Variants in ITGA9 observed in about 807,000 individuals in gnomAD.
The protein encoded by ITGA9 is integrin alpha-9.
ITGA9 carries 56 observed loss-of-function variants against 127.8 expected under a neutral mutation model. The observed-to-expected ratio is 0.44, with a 90% CI of 0.35 to 0.55. The LOEUF is 0.55. ITGA9 is among the 20% of genes least tolerant of loss of function. ITGA9 has a pLI of 0.00. For missense variants in ITGA9, 1,196 were observed against 1,347.1 expected (o/e 0.89, Z 1.76); for synonymous variants, 508 against 514.5 (o/e 0.99, Z 0.17).
rs769056713 is a variant in ITGA9 at position 37,653,786 on chromosome 3, T to C, written c.1912T>C (p.Ser638Pro). ...DLQLQGKLLLSSMDEKTLYLA... is the reference protein window; with the variant it reads ...DLQLQGKLLLPSMDEKTLYLA... ...GCAGCTTCAGGGTAAACTGCTGCTC[T>C]CCAGGTATGTCGGTGTTTCCTTCAG... Residue 638 changes from serine (S) to proline (P), a missense_variant, in exon 17 of 28, where the codon TCC becomes CCC. Ser to Pro is a moderately conservative substitution (Grantham distance 74). Transcript: ENST00000264741. 187 of 1,611,512 alleles carry C rather than the reference T, an allele frequency of 1.2e-4. No individual in the cohort carries two copies. The highest frequency in any genetic ancestry group is 1.5e-4 in the Non-Finnish European group (173 of 1,177,748).
rs574781329 is a variant in ITGA9 at position 37,774,111 on chromosome 3, C to G, written c.2542-3281C>G. Among the ~76,000 whole-genome samples the G allele has an allele frequency of 2.0e-5, 3 of 152,302 alleles. No individual in the cohort carries two copies. The East Asian group carries it at 5.8e-4, about 29-fold the overall frequency. On this transcript the variant is annotated intron_variant, in intron 23 of 27. Coordinates refer to ENST00000264741, the MANE Select transcript of ITGA9 (RefSeq NM_002207.3). ...GTGCTGAAATTTGATTGGCACACAC[C>G]AACGCCCACTTGCGTAGCACTGCAG...
intron 15 of ITGA9, among the ~76,000 whole-genome samples, chr3:37,601,430 G>A (rs1208944734): frequency 2.0e-5 from 3 of 152,172 alleles, no homozygotes; most frequent in Non-Finnish European, 2.9e-5. Flanking sequence ...GTCTCCCCAG[G>A]TGTTATTCCC....
chr3:37,517,760 A>C, intron 10 of ITGA9, 151 bp downstream of exon 10: 1 of 703,408 alleles, frequency 1.4e-6, no homozygotes, highest in East Asian at 2.7e-5. Context: ...TGCTGTGGGG[A>C]GATAGGACAC....
At chr3:37,763,632 T>G (rs1224624515) in intron 23 of ITGA9, among the ~76,000 whole-genome samples, 1 of 152,188 alleles carries the variant, frequency 6.6e-6, no homozygotes, top group African/African-American at 2.4e-5. Context: ...AAGTCCTGGA[T>G]TTTATGACTT....
intron 22 of ITGA9, chr3:37,745,573 A>G (rs1696490319): frequency 6.6e-6 from 1 of 152,220 alleles, no homozygotes; most frequent in Non-Finnish European, 1.5e-5. Context: ...TTGCAATTAA[A>G]GATGTAGTTC....
rs1559524639 is a variant in ITGA9, at chr3:37,512,056, CTTTCTTTCTTTCTTTCT to C, written c.898-1704_898-1688del. ...TCTTTCTTTCTTTCTTTCTTTCTTT[CTTTCTTTCTTTCTTTCT>C]TTCCTTCCTTCCTTCCTTCCTTCCT... is the stretch of plus-strand genomic sequence containing the variant. On this transcript the variant is annotated intron_variant, in intron 8 of 27. Coordinates refer to ENST00000264741, the MANE Select transcript of ITGA9 (RefSeq NM_002207.3). 6.3e-4 allele frequency among the ~76,000 whole-genome samples: 28 copies of C among 44,404 alleles called. 1 individual carries two copies. The highest frequency in any genetic ancestry group is 4.7e-3 in the East Asian group (4 of 846). 29.1% of individuals were successfully genotyped at this position (44,404 alleles called of 152,430 possible). A position where few individuals can be genotyped will look rare whatever the true frequency, so the allele number is the denominator to read the frequency against.
rs764922248 is a variant in ITGA9 at position 37,503,149 on chromosome 3, C to G, written c.613-29C>G. On this transcript the variant is annotated intron_variant, in intron 5 of 27. Transcript: ENST00000264741. ...CCTCCTCCCCTCCTCACTTCCTTCTCTGCTTACCGTTGGATTTCTTTTTGG... is the reference window on the plus strand; with the variant it reads ...CCTCCTCCCCTCCTCACTTCCTTCTGTGCTTACCGTTGGATTTCTTTTTGG... The G allele has an allele frequency of 2.5e-6, 4 of 1,613,248 alleles. No individual in the cohort carries two copies. The South Asian group carries it at 4.4e-5, about 18-fold the overall frequency.
intron 10 of ITGA9, among the ~76,000 whole-genome samples, chr3:37,518,230 C>T (rs569236382): frequency 1.3e-5 from 2 of 152,248 alleles, no homozygotes; most frequent in East Asian, 1.9e-4. Context: ...CTCTTCACCT[C>T]GCTGCATACA....
At chr3:37,528,007 G>A (rs1289355229) in intron 13 of ITGA9, among the ~76,000 whole-genome samples, 5 of 151,970 alleles carry the variant, frequency 3.3e-5, no homozygotes, top group Non-Finnish European at 5.9e-5. Context: ...GGCTGGTCTC[G>A]AACTCCTGAC....
At chr3:37,487,998 G>A (rs997335526) in intron 4 of ITGA9, among the ~76,000 whole-genome samples, 4 of 152,178 alleles carry the variant, frequency 2.6e-5, no homozygotes, top group African/African-American at 9.7e-5. Context: ...GTAGCCAGGA[G>A]ACCAATCTGC....
intron 17 of ITGA9, among the ~76,000 whole-genome samples, chr3:37,672,897 T>C (rs1286644636): frequency 6.6e-6 from 1 of 150,530 alleles, no homozygotes; most frequent in East Asian, 2.0e-4. Flanking sequence ...TTAGTATTTC[T>C]TGGTGATTTT....
chr3:37,582,740 G>C (rs752685681), intron 15 of ITGA9, among the ~76,000 whole-genome samples: 8 of 152,172 alleles, frequency 5.3e-5, no homozygotes, highest in Non-Finnish European at 8.8e-5. Context: ...ACTTCTCCAA[G>C]ACTGATTGGC....
At chr3:37,697,488 C>G (rs974960893) in intron 18 of ITGA9, among the ~76,000 whole-genome samples, 16 of 151,964 alleles carry the variant, frequency 1.1e-4, no homozygotes, top group Non-Finnish European at 2.4e-4. Flanking sequence ...CTCCCCTTGC[C>G]CCCAACCCCA....
At chr3:37,693,320 A>T (rs1223396527) in intron 18 of ITGA9, among the ~76,000 whole-genome samples, 1 of 152,162 alleles carries the variant, frequency 6.6e-6, no homozygotes, top group Non-Finnish European at 1.5e-5. Flanking sequence ...GTTTCTAAGG[A>T]GTATAATTTG....
intron 16 of ITGA9, among the ~76,000 whole-genome samples, chr3:37,634,690 C>A (rs1346727315): frequency 2.0e-5 from 3 of 152,164 alleles, no homozygotes; most frequent in Admixed American, 6.5e-5. Flanking sequence ...ATGGACAGAT[C>A]ATCCAGACAG....
chr3:37,589,704 C>A lies in ITGA9; in HGVS notation c.1690-39483C>A, dbSNP rs72857216. ...AGCGGAAACAGCCGGTGCAAAGGCC[C>A]TGAGGCAGGAGTGCCTGTTGTTCCA... On this transcript the variant is annotated intron_variant, in intron 15 of 27. Transcript: ENST00000264741. Among the ~76,000 whole-genome samples, 489 of 152,264 alleles carry A rather than the reference C, an allele frequency of 3.2e-3. 1 individual carries two copies. The highest frequency in any genetic ancestry group is 0.011 in the African/African-American group (460 of 41,558).
intron 15 of ITGA9, among the ~76,000 whole-genome samples, chr3:37,591,273 T>A (rs1309868497): frequency 1.3e-5 from 2 of 152,246 alleles, no homozygotes; most frequent in African/African-American, 4.8e-5. Flanking sequence ...ATTTGCCTAA[T>A]GTCCCTGGAA....
At chr3:37,665,104 C>G (rs558153192) in intron 17 of ITGA9, among the ~76,000 whole-genome samples, 1 of 151,880 alleles carries the variant, frequency 6.6e-6, no homozygotes, top group East Asian at 2.0e-4. Context: ...TCCCGAGTAG[C>G]TGGGATTACA....
At chr3:37,479,817 T>G (rs1323061871) in intron 3 of ITGA9, among the ~76,000 whole-genome samples, 1 of 152,174 alleles carries the variant, frequency 6.6e-6, no homozygotes, top group African/African-American at 2.4e-5. Context: ...GCTCTGCCAC[T>G]TAGGCAAAGC....
Sources: gnomAD v4.1 joint callset for allele counts (sites outside exome capture counted in the v4.1 genomes callset) on GRCh38, gnomAD v4.1.1 for gene constraint, MANE v1.5 for transcripts, NCBI Gene and HGNC (gene_info 2026-07-23, HGNC 2026-07-21) for gene names.